Variants in AVEN observed in about 807,000 individuals in gnomAD.
The protein encoded by AVEN is cell death regulator Aven.
A neutral mutation model predicts 38.1 loss-of-function variants in AVEN; 41 were observed. That is an observed-to-expected ratio of 1.08 (90% confidence interval 0.84 to 1.40). The LOEUF (loss-of-function observed/expected upper bound fraction) is 1.40, where lower values mean the gene tolerates loss of function less well. Among genes scored for constraint, AVEN ranks in the 40% most tolerant of loss-of-function variants. The pLI, the probability that AVEN is intolerant of heterozygous loss-of-function variation, is 0.00. For synonymous variants in AVEN, 206 were observed against 171.8 expected (o/e 1.20, Z -1.56); for missense variants, 605 against 438.8 (o/e 1.38, Z -3.38).
intron 2 of AVEN, among the ~76,000 whole-genome samples, chr15:33,995,292 T>C (rs1206661646): frequency 6.6e-6 from 1 of 152,094 alleles, no homozygotes; most frequent in Non-Finnish European, 1.5e-5. Context: ...AAGAAAATTA[T>C]TTTAAAATAA....
chr15:33,911,420 T>C (rs778714381), intron 2 of AVEN, among the ~76,000 whole-genome samples: 2 of 152,222 alleles, frequency 1.3e-5, no homozygotes, highest in Non-Finnish European at 2.9e-5. Context: ...AACATACCTT[T>C]GAAGGATAAA....
intron 2 of AVEN, among the ~76,000 whole-genome samples, chr15:33,934,717 T>G (rs22824): frequency 0.63 from 95,250 of 151,978 alleles, 30,811 homozygotes; most frequent in East Asian, 0.75. Flanking sequence ...GTATTTACCT[T>G]GTATCCTGGT....
chr15:33,961,187 G>C (rs1254391940), intron 2 of AVEN, among the ~76,000 whole-genome samples: 3 of 152,016 alleles, frequency 2.0e-5, no homozygotes, highest in Non-Finnish European at 2.9e-5. Context: ...ATTTTACAGA[G>C]ACAGAGTCTC....
At chr15:33,901,068 C>T (rs1892478785) in intron 2 of AVEN, among the ~76,000 whole-genome samples, 1 of 152,172 alleles carries the variant, frequency 6.6e-6, no homozygotes, top group African/African-American at 2.4e-5. Flanking sequence ...AGATTGAGAC[C>T]ATCCTGGCTA....
intron 2 of AVEN, among the ~76,000 whole-genome samples, chr15:33,880,469 G>A (rs137950903): frequency 6.6e-6 from 1 of 152,116 alleles, no homozygotes; most frequent in East Asian, 1.9e-4. Context: ...GAAGAGTCTT[G>A]GAAAACCAAG....
At chr15:33,891,602 G>A (rs935283989) in intron 2 of AVEN, among the ~76,000 whole-genome samples, 1 of 152,084 alleles carries the variant, frequency 6.6e-6, no homozygotes, top group Admixed American at 6.5e-5. Context: ...GTGTATATGT[G>A]CCACATTTTC....
intron 5 of AVEN, among the ~76,000 whole-genome samples, chr15:33,867,156 G>C (rs558830857): frequency 6.6e-6 from 1 of 152,278 alleles, no homozygotes; most frequent in East Asian, 1.9e-4. Flanking sequence ...GGTATGAAGA[G>C]GTGGCCTGTC....
intron 1 of AVEN, among the ~76,000 whole-genome samples, chr15:34,013,986 G>A (rs1897753145): frequency 6.6e-6 from 1 of 152,160 alleles, no homozygotes; most frequent in Admixed American, 6.5e-5. Context: ...CTTGGTATTA[G>A]CAAAGAACGT....
chr15:34,034,348 G>A (rs1899013229), intron 1 of AVEN, among the ~76,000 whole-genome samples: 1 of 151,972 alleles, frequency 6.6e-6, no homozygotes, highest in African/African-American at 2.4e-5. Flanking sequence ...GGCTGAGATG[G>A]GAGGATCCCT....
chr15:33,975,704 G>A (rs891238756), intron 2 of AVEN, among the ~76,000 whole-genome samples: 1 of 152,306 alleles, frequency 6.6e-6, no homozygotes. Flanking sequence ...GGCCGAGGCA[G>A]GTGAATCATG....
intron 2 of AVEN, among the ~76,000 whole-genome samples, chr15:33,893,253 T>C (rs1167964415): frequency 1.3e-5 from 2 of 152,226 alleles, no homozygotes; most frequent in African/African-American, 4.8e-5. Context: ...CTTCCAACAC[T>C]ATGTTGAATA....
chr15:33,878,979 T>A (rs1469733287), intron 2 of AVEN, among the ~76,000 whole-genome samples: 1 of 152,160 alleles, frequency 6.6e-6, no homozygotes, highest in African/African-American at 2.4e-5. Flanking sequence ...GATTAATATA[T>A]AATTGGTACA....
chr15:33,997,785 C>G (rs908348351), intron 2 of AVEN, among the ~76,000 whole-genome samples: 1 of 152,086 alleles, frequency 6.6e-6, no homozygotes, highest in African/African-American at 2.4e-5. Flanking sequence ...ATTTGCTCTG[C>G]TAAACTGTAA....
intron 2 of AVEN, among the ~76,000 whole-genome samples, chr15:33,918,049 T>C (rs931339609): frequency 6.6e-6 from 1 of 152,078 alleles, no homozygotes; most frequent in African/African-American, 2.4e-5. Flanking sequence ...ATATTTTGGA[T>C]ATATCCAGTT....
chr15:33,906,395 T>A (rs765080903), intron 2 of AVEN, among the ~76,000 whole-genome samples: 1 of 152,214 alleles, frequency 6.6e-6, no homozygotes, highest in Non-Finnish European at 1.5e-5. Context: ...CCACTGTACA[T>A]AGATGCCACA....
At chr15:33,995,235 G>A (rs1206323685) in intron 2 of AVEN, among the ~76,000 whole-genome samples, 1 of 152,160 alleles carries the variant, frequency 6.6e-6, no homozygotes, top group Non-Finnish European at 1.5e-5. Flanking sequence ...CTGCACTCCA[G>A]CCTGGGTGAC....
intron 2 of AVEN, among the ~76,000 whole-genome samples, chr15:33,916,985 T>C (rs1171376121): frequency 6.6e-6 from 1 of 152,050 alleles, no homozygotes; most frequent in Non-Finnish European, 1.5e-5. Context: ...TCAGATCTCA[T>C]GAGAACTCAC....
chr15:33,870,958 T>G lies in AVEN; in HGVS notation c.589A>C (p.Asn197His). Residue 197 changes from asparagine to histidine, a missense_variant, in exon 4 of 6, where the codon AAC (asparagine) becomes CAC (histidine). Transcript: ENST00000306730. ...LQELPLCLRLNVAAELVQGTV... is the reference protein window; with the variant it reads ...LQELPLCLRLHVAAELVQGTV... ...ACCTGGACCAGTTCGGCAGCAACGT[T>G]GAGTCGGAGGCAGAGAGGCAGCTCT... The G allele has an allele frequency of 1.2e-6, 2 of 1,611,392 alleles. No homozygotes were observed. The highest frequency in any genetic ancestry group is 8.5e-7 in the Non-Finnish European group (1 of 1,178,328).
In AVEN at chr15:33,933,522, CACAGAGAGAGAGAGAGAGAGAGAG is replaced by C. The variant is rs1225401826; in HGVS notation, c.446-57551_446-57528del. 7.6e-3 allele frequency among the ~76,000 whole-genome samples: 402 copies of C among 53,202 alleles called. 1 individual carries two copies. Among genetic ancestry groups the C allele is most frequent in the Non-Finnish European group, 0.011 (277 of 25,358 alleles). The allele number at this position is 53,202 out of a possible 152,430, so 34.9% of individuals were successfully genotyped here. On this transcript the variant is annotated intron_variant, in intron 2 of 5. Coordinates refer to ENST00000306730, the MANE Select transcript of AVEN (RefSeq NM_020371.3). ...ACACACACACACACACACACACACA[CACAGAGAGAGAGAGAGAGAGAGAG>C]AGAGAGAGAGAGAGAGAGAGAGAGA... is the stretch of plus-strand genomic sequence containing the variant.
Sources: gnomAD v4.1 joint callset for allele counts (sites outside exome capture counted in the v4.1 genomes callset) on GRCh38, gnomAD v4.1.1 for gene constraint, MANE v1.5 for transcripts, NCBI Gene and HGNC (gene_info 2026-07-23, HGNC 2026-07-21) for gene names.